The following METTL4 variants were observed in gnomAD, a reference collection of about 807,000 sequenced individuals.
METTL4 encodes the protein N(6)-adenine-specific methyltransferase METTL4.
METTL4 carries 40 observed loss-of-function variants against 54.0 expected under a neutral mutation model. That is an observed-to-expected ratio of 0.74 (90% CI 0.58 to 0.96). The LOEUF is 0.96. METTL4 is among the 50% of genes least tolerant of loss of function. METTL4 has a pLI of 0.00. For missense variants in METTL4, 525 were observed against 549.0 expected (o/e 0.96, Z 0.44); for synonymous variants, 169 against 183.8 (o/e 0.92, Z 0.65).
In METTL4 at chr18:2,547,595, A is replaced by G. The variant is rs945247526; in HGVS notation, c.900-66T>C. 13 of 1,262,766 alleles carry G rather than the reference A, an allele frequency of 1.0e-5. No individual in the cohort carries two copies. The African/African-American group carries it at 2.0e-4, about 19-fold the overall frequency. The allele number at this position is 1,262,766 out of a possible 1,614,324, so 78.2% of individuals were successfully genotyped here. A position where few individuals can be genotyped will look rare whatever the true frequency, so the allele number is the denominator to read the frequency against. On this transcript the variant is annotated intron_variant, in intron 5 of 8. Coordinates refer to ENST00000574538, the MANE Select transcript of METTL4 (RefSeq NM_022840.5). ...AAAAGAAGAAAACTAAGCAGGGATA[A>G]GACATGCATAACACAGACTCCACAA...
chr18:2,544,661 T>C lies in METTL4; in HGVS notation c.1173A>G (p.Leu391=). 6.2e-7 allele frequency: 1 copy of C among 1,604,126 alleles called. No individual in the cohort carries two copies. Among genetic ancestry groups the C allele is most frequent in the South Asian group, 1.1e-5 (1 of 90,356 alleles). Reference sequence around the variant, plus strand: ...AAAATCACCTTTCCTACCTCAATGGTAGAGCAGTTTTTTCTTGAACCCTCC... The same window carrying C: ...AAAATCACCTTTCCTACCTCAATGGCAGAGCAGTTTTTTCTTGAACCCTCC... The part of the protein sequence containing the change: ...ILGRVQEKTA[L]PLRNADVNVL... Residue 391 remains leucine (L), a synonymous_variant, in exon 7 of 9, where the codon CTA becomes CTG. Transcript: ENST00000574538.
rs2072436837 is a variant in METTL4, at chr18:2,567,325, C to T, written c.-109G>A. The T allele has an allele frequency of 2.1e-6, 2 of 967,828 alleles. No individual in the cohort carries two copies. Among genetic ancestry groups the T allele is most frequent in the East Asian group, 2.5e-5 (1 of 39,850 alleles). The allele number at this position is 967,828 out of a possible 1,614,324, so 60.0% of individuals were successfully genotyped here. ...TTTCAATAAACATACACTTCATACA[C>T]ACAGATAGATTTGATATACAAGTAC... On this transcript the variant is annotated 5_prime_UTR_variant, in exon 2 of 9. In the 5' UTR this introduces an upstream ATG that the reference lacks. Coordinates refer to ENST00000574538, the MANE Select transcript of METTL4 (RefSeq NM_022840.5).
At chr18:2,549,819 TAAAAAAAAAA>T (rs397758263) in intron 5 of METTL4, among the ~76,000 whole-genome samples, 10,253 of 79,220 alleles carry the variant, frequency 0.13, 772 homozygotes, top group African/African-American at 0.3. Flanking sequence ...CCATCTCTAC[TAAAAAAAAAA>T]AAAAAAAAAA....
rs1394079981 is a variant in METTL4, at chr18:2,538,898, T to A, written c.*102A>T. ...TGAAAAAAACAAGTCCTGTTTATAT[T>A]CTAAGAATATGGGTTGGTAACAAAA... On this transcript the variant is annotated 3_prime_UTR_variant, in exon 9 of 9. Transcript: ENST00000574538. The A allele has an allele frequency of 3.8e-6, 5 of 1,314,576 alleles. No individual in the cohort carries two copies. The highest frequency in any genetic ancestry group is 5.2e-6 in the Non-Finnish European group (5 of 953,518). The allele number at this position is 1,314,576 out of a possible 1,614,324, so 81.4% of individuals were successfully genotyped here.
chr18:2,565,101 A>C (rs1176980605), intron 2 of METTL4, among the ~76,000 whole-genome samples: 1 of 152,156 alleles, frequency 6.6e-6, no homozygotes, highest in African/African-American at 2.4e-5. Flanking sequence ...CAGCTTGGCC[A>C]ACAAGGTGTC....
intron 3 of METTL4, among the ~76,000 whole-genome samples, chr18:2,560,518 G>A (rs945906840): frequency 6.6e-6 from 1 of 152,052 alleles, no homozygotes; most frequent in Non-Finnish European, 1.5e-5. Context: ...TATATATAAG[G>A]CCGAAGAAGT....
At chr18:2,558,293 A>C (rs1358217849) in intron 3 of METTL4, among the ~76,000 whole-genome samples, 1 of 152,272 alleles carries the variant, frequency 6.6e-6, no homozygotes, top group East Asian at 1.9e-4. Context: ...GATTTAAGTT[A>C]GAAATCAAGA....
chr18:2,558,017 CA>C (rs1371544671), intron 3 of METTL4, among the ~76,000 whole-genome samples: 1 of 152,118 alleles, frequency 6.6e-6, no homozygotes, highest in Non-Finnish European at 1.5e-5. Flanking sequence ...GAAATTAATG[CA>C]AAAATCTCTA....
At position 2,559,320 on chromosome 18, in the gene METTL4, A is replaced by C. The variant is rs994985525; in HGVS notation, c.460-4282T>G. Among the ~76,000 whole-genome samples, 21 of 152,214 alleles carry C rather than the reference A, an allele frequency of 1.4e-4. 1 individual carries two copies. Among genetic ancestry groups the C allele is most frequent in the Middle Eastern group, 3.2e-3 (1 of 316 alleles). ...ATTCTGATATATGCTACATGGATGA[A>C]CCTTGAAGACATAGTGAAATAAGCC... On this transcript the variant is annotated intron_variant, in intron 3 of 8. Transcript: ENST00000574538.
At chr18:2,570,322 C>T (rs181611901) in intron 1 of METTL4, among the ~76,000 whole-genome samples, 8 of 152,318 alleles carry the variant, frequency 5.3e-5, no homozygotes, top group Admixed American at 4.6e-4. Flanking sequence ...GCAGGCTTGA[C>T]TTCCTGGCAA....
At chr18:2,563,975 G>T (rs2072362919) in intron 2 of METTL4, 116 bp from the exon 3 acceptor site, 2 of 614,048 alleles carry the variant, frequency 3.3e-6, no homozygotes, top group East Asian at 3.1e-5. Context: ...ATTAATAGTA[G>T]TAATTGTCTA....
At chr18:2,551,070 A>C (rs1171123882) in intron 5 of METTL4, among the ~76,000 whole-genome samples, 1 of 148,986 alleles carries the variant, frequency 6.7e-6, no homozygotes, top group Non-Finnish European at 1.5e-5. Flanking sequence ...AGGCTGAGGC[A>C]GGAGAATGGC....
At chr18:2,566,496 C>T (rs1878552) in intron 2 of METTL4, among the ~76,000 whole-genome samples, 37,378 of 151,956 alleles carry the variant, frequency 0.25, 4,872 homozygotes, top group African/African-American at 0.32. Flanking sequence ...ATACAAATGC[C>T]TAATCAAGAA....
rs770423161 is a variant in METTL4, at chr18:2,567,431, T to G, written c.-215A>C. On this transcript the variant is annotated 5_prime_UTR_variant, in exon 2 of 9. Transcript: ENST00000574538. ...AGAAATTCTAAGGAAAATTGCAATG[T>G]TTTAATATAAACTTTCTTTTTAATT... 3.7e-5 allele frequency: 14 copies of G among 380,330 alleles called. No individual in the cohort carries two copies. The highest frequency in any genetic ancestry group is 5.1e-5 in the Non-Finnish European group (11 of 217,704). 23.6% of individuals were successfully genotyped at this position (380,330 alleles called of 1,614,324 possible).
chr18:2,557,148 A>G (rs188708856), intron 3 of METTL4, among the ~76,000 whole-genome samples: 1 of 152,204 alleles, frequency 6.6e-6, no homozygotes, highest in African/African-American at 2.4e-5. Context: ...CTGAGAGTAC[A>G]GTTAACAGTT....
chr18:2,541,878 A>T (rs1567952961), intron 8 of METTL4, among the ~76,000 whole-genome samples: 1 of 152,106 alleles, frequency 6.6e-6, no homozygotes, highest in Non-Finnish European at 1.5e-5. Context: ...ATCATCCCAA[A>T]CCCCTAGAGT....
At chr18:2,560,436 T>C (rs918214511) in intron 3 of METTL4, among the ~76,000 whole-genome samples, 1 of 152,156 alleles carries the variant, frequency 6.6e-6, no homozygotes. Context: ...GAAGGAAAAC[T>C]TCTAGCTTCC....
intron 2 of METTL4, among the ~76,000 whole-genome samples, chr18:2,565,978 C>T (rs990467200): frequency 4.0e-5 from 6 of 150,428 alleles, no homozygotes; most frequent in Admixed American, 1.3e-4. Flanking sequence ...ACCCGGGAGG[C>T]GGAGCTTGCA....
At chr18:2,564,904 A>G (rs1275225556) in intron 2 of METTL4, among the ~76,000 whole-genome samples, 1 of 152,220 alleles carries the variant, frequency 6.6e-6, no homozygotes, top group Non-Finnish European at 1.5e-5. Context: ...CTTATATTAC[A>G]ACATACTATT....
Sources: allele counts gnomAD v4.1 joint callset (sites outside exome capture counted in the v4.1 genomes callset), GRCh38; gene constraint gnomAD v4.1.1; transcripts MANE v1.5; gene names NCBI Gene and HGNC (gene_info 2026-07-23, HGNC 2026-07-21).